Variants in HERC1 observed in about 807,000 individuals in gnomAD.
HERC1 encodes the protein probable E3 ubiquitin-protein ligase HERC1.
A neutral mutation model predicts 554.3 loss-of-function variants in HERC1; 160 were observed. The ratio of observed to expected loss-of-function variants is 0.29; its 90% CI spans 0.25 to 0.33. The LOEUF (loss-of-function observed/expected upper bound fraction) is 0.33, where lower values mean the gene tolerates loss of function less well. HERC1 is among the 10% of genes least tolerant of loss of function. The pLI is 1.00. For missense variants in HERC1, 4,919 were observed against 5,918.5 expected (o/e 0.83, Z 5.54); for synonymous variants, 2,175 against 2,131.7 (o/e 1.02, Z -0.56).
At chr15:63,709,165 A>ATAT (rs1555425509) in intron 24 of HERC1, among the ~76,000 whole-genome samples, 5 of 150,848 alleles carry the variant, frequency 3.3e-5, no homozygotes, top group African/African-American at 1.2e-4. Flanking sequence ...ATATATATAT[A>ATAT]TTTTTTATTT....
At chr15:63,617,015 T>C (rs369129996) in intron 74 of HERC1, among the ~76,000 whole-genome samples, 12 of 152,284 alleles carry the variant, frequency 7.9e-5, no homozygotes, top group East Asian at 3.9e-4. Flanking sequence ...TCTTTTTTTT[T>C]TTTTATTATT....
intron 1 of HERC1, among the ~76,000 whole-genome samples, chr15:63,826,748 C>T (rs1426911652): frequency 1.5e-5 from 2 of 131,788 alleles, no homozygotes; most frequent in Non-Finnish European, 1.6e-5. Context: ...AGGGGTCACC[C>T]GAATGACTAC....
chr15:63,655,472 T>C lies in HERC1; in HGVS notation c.10084+270A>G, dbSNP rs79472798. 0.011 allele frequency among the ~76,000 whole-genome samples: 1,643 copies of C among 152,202 alleles called. 27 individuals carry two copies. Among genetic ancestry groups the C allele is most frequent in the African/African-American group, 0.038 (1,568 of 41,512 alleles). ...TATAATCTTAAAACAAAGAGAAAAA[T>C]AACACTGCCTTCATCTAAATTTTAT... On this transcript the variant is annotated intron_variant, in intron 50 of 77. Transcript: ENST00000443617.
intron 1 of HERC1, among the ~76,000 whole-genome samples, chr15:63,792,670 T>C (rs1255595571): frequency 2.6e-5 from 4 of 152,218 alleles, no homozygotes; most frequent in Admixed American, 2.6e-4. Flanking sequence ...TATTAGACTC[T>C]CACAACACAG....
rs2075114648 is a variant in HERC1, at chr15:63,747,945, G to C, written c.2220-87C>G. On this transcript the variant is annotated intron_variant, in intron 10 of 77. Coordinates refer to ENST00000443617, the MANE Select transcript of HERC1 (RefSeq NM_003922.4). The stretch of plus-strand genomic sequence containing the variant: ...AAAACGAAAATTAAAACATATATTG[G>C]CTGGGCACGGTGGCTCATGCCTGTA... 3.0e-6 allele frequency: 4 copies of C among 1,323,578 alleles called. No homozygotes were observed. In the African/African-American group the frequency reaches 4.4e-5, roughly 15 times the overall value. The allele number at this position is 1,323,578 out of a possible 1,614,324, so 82.0% of individuals were successfully genotyped here. A position where few individuals can be genotyped will look rare whatever the true frequency, so the allele number is the denominator to read the frequency against.
chr15:63,692,654 G>A lies in HERC1; in HGVS notation c.5675-88C>T, dbSNP rs2072173230. The A allele has an allele frequency of 8.9e-7, 1 of 1,125,410 alleles. No homozygotes were observed. Among genetic ancestry groups the A allele is most frequent in the South Asian group, 1.8e-5 (1 of 54,842 alleles). 69.7% of individuals were successfully genotyped at this position (1,125,410 alleles called of 1,614,324 possible). A position where few individuals can be genotyped will look rare whatever the true frequency, so the allele number is the denominator to read the frequency against. ...ATAATTTACCTTGAAACTGCAGTAA[G>A]CACAAATCTAATGCAAAATCTTAGG... is the stretch of plus-strand genomic sequence containing the variant. On this transcript the variant is annotated intron_variant, in intron 30 of 77. Coordinates refer to ENST00000443617, the MANE Select transcript of HERC1 (RefSeq NM_003922.4). This position sits in a 1 kb window ranked among gnomAD's most constrained non-coding sequence, Gnocchi z 4.7.
At chr15:63,732,800 TC>T in intron 14 of HERC1, 123 bp downstream of exon 14, 2 of 633,818 alleles carry the variant, frequency 3.2e-6, no homozygotes, top group Non-Finnish European at 5.5e-6. Flanking sequence ...GACATGTTTT[TC>T]CCCTTGGGGG....
In HERC1 at chr15:63,723,251, C is replaced by A. The variant is rs766692417; in HGVS notation, c.3673G>T (p.Ala1225Ser). The A allele has an allele frequency of 1.3e-6, 2 of 1,599,892 alleles. No individual in the cohort carries two copies. Among genetic ancestry groups the A allele is most frequent in the East Asian group, 2.2e-5 (1 of 44,608 alleles). The change falls in exon 19 of 78, where the codon GCA (alanine) becomes TCA (serine). Residue 1225 changes from alanine (A) to serine (S), a missense_variant. Coordinates refer to ENST00000443617, the MANE Select transcript of HERC1 (RefSeq NM_003922.4). ...RPEIAVYVDL[A>S]LGCSKEPARS... is the part of the protein sequence containing the mutation. The stretch of plus-strand genomic sequence containing the variant: ...GCAGGCTCTTTAGAACAACCCAATG[C>A]CAAGTCTACATAGACAGCAATTTCA...
chr15:63,713,268 G>A lies in HERC1; in HGVS notation c.4463+85C>T. On this transcript the variant is annotated intron_variant, in intron 23 of 77. Transcript: ENST00000443617. The stretch of plus-strand genomic sequence containing the variant: ...ATGTCTATGTTAACATCAGAACACT[G>A]TAACTTTGGAAACAAACCATTTCAG... 3 of 1,163,180 alleles carry A rather than the reference G, an allele frequency of 2.6e-6. No individual in the cohort carries two copies. In the South Asian group the frequency reaches 4.3e-5, roughly 17 times the overall value. The allele number at this position is 1,163,180 out of a possible 1,614,324, so 72.1% of individuals were successfully genotyped here.
intron 39 of HERC1, 38 bp from the exon 40 acceptor site, chr15:63,669,736 T>A (rs1182657641): frequency 5.7e-6 from 9 of 1,581,644 alleles, no homozygotes; most frequent in Non-Finnish European, 6.9e-6. Flanking sequence ...AAAAATCCAA[T>A]TTACGAAATA....
At chr15:63,639,365 G>A (rs1317769975) in intron 61 of HERC1, among the ~76,000 whole-genome samples, 4 of 152,090 alleles carry the variant, frequency 2.6e-5, no homozygotes, top group Admixed American at 6.5e-5. Context: ...TTCTGTACAG[G>A]TTTGTAGCCT....
At position 63,661,604 on chromosome 15, in the gene HERC1, C is replaced by T. The variant is rs906235428; in HGVS notation, c.9170+149G>A. 8 of 746,150 alleles carry T rather than the reference C, an allele frequency of 1.1e-5. No homozygotes were observed. The East Asian group carries it at 2.1e-4, about 20-fold the overall frequency. The allele number at this position is 746,150 out of a possible 1,614,324, so 46.2% of individuals were successfully genotyped here. A position where few individuals can be genotyped will look rare whatever the true frequency, so the allele number is the denominator to read the frequency against. On this transcript the variant is annotated intron_variant, in intron 45 of 77. Coordinates refer to ENST00000443617, the MANE Select transcript of HERC1 (RefSeq NM_003922.4). ...TTCCTGGGAACATGAATTTCTGAAACCCCTCCATCCCTTCTGCCCAAAGTG... is the reference window on the plus strand; with the variant it reads ...TTCCTGGGAACATGAATTTCTGAAATCCCTCCATCCCTTCTGCCCAAAGTG...
At chr15:63,697,523 C>T (rs546814312) in intron 26 of HERC1, among the ~76,000 whole-genome samples, 3 of 147,218 alleles carry the variant, frequency 2.0e-5, no homozygotes, top group Middle Eastern at 3.3e-3. Flanking sequence ...GGCGCGATCT[C>T]GGCTCACTGC....
intron 12 of HERC1, among the ~76,000 whole-genome samples, chr15:63,740,827 C>A (rs1378323246): frequency 6.6e-6 from 1 of 152,106 alleles, no homozygotes; most frequent in Admixed American, 6.5e-5. Flanking sequence ...GAAACTAGAA[C>A]CTCATCAGAT....
At chr15:63,735,784 T>C (rs1596104629) in intron 12 of HERC1, among the ~76,000 whole-genome samples, 1 of 152,308 alleles carries the variant, frequency 6.6e-6, no homozygotes, top group African/African-American at 2.4e-5. Flanking sequence ...ACTATAATGA[T>C]TGAAAAATTC....
intron 2 of HERC1, among the ~76,000 whole-genome samples, chr15:63,773,826 T>C (rs1393684587): frequency 6.6e-6 from 1 of 152,176 alleles, no homozygotes; most frequent in African/African-American, 2.4e-5. Context: ...ATTACAGGCA[T>C]GAGACACCGC....
intron 1 of HERC1, among the ~76,000 whole-genome samples, chr15:63,822,189 AGAAGTG>A (rs2077725865): frequency 6.6e-6 from 1 of 152,206 alleles, no homozygotes; most frequent in South Asian, 2.1e-4. Flanking sequence ...TCAATGTAGC[AGAAGTG>A]GAATAAACAA....
chr15:63,648,332 AT>A, intron 54 of HERC1, 133 bp from the exon 55 acceptor site: 1 of 850,038 alleles, frequency 1.2e-6, no homozygotes, highest in Non-Finnish European at 1.8e-6. Flanking sequence ...TCTTTAATGC[AT>A]TTAGACAAAA....
At chr15:63,744,754 G>T (rs2089619) in intron 12 of HERC1, among the ~76,000 whole-genome samples, 3 of 151,876 alleles carry the variant, frequency 2.0e-5, no homozygotes, top group Non-Finnish European at 2.9e-5. Context: ...AGGGCAGTGG[G>T]TTCTCCTGTA....
Sources: gnomAD v4.1 joint callset for allele counts (sites outside exome capture counted in the v4.1 genomes callset) on GRCh38, gnomAD v4.1.1 for gene constraint, Gnocchi (gnomAD v3.1) non-coding constraint, MANE v1.5 for transcripts, NCBI Gene and HGNC (gene_info 2026-07-23, HGNC 2026-07-21) for gene names.